Variants in CCDC88A observed in about 807,000 individuals in gnomAD.
CCDC88A encodes girdin.
A neutral mutation model predicts 234.3 loss-of-function variants in CCDC88A; 54 were observed. The ratio of observed to expected loss-of-function variants is 0.23; its 90% CI spans 0.19 to 0.29. The LOEUF (loss-of-function observed/expected upper bound fraction) is 0.29. Among genes scored for constraint, CCDC88A ranks in the 10% least tolerant of loss-of-function variants. The pLI is 1.00. For missense variants in CCDC88A, 1,832 were observed against 2,123.4 expected (o/e 0.86, Z 2.70); for synonymous variants, 753 against 737.8 (o/e 1.02, Z -0.33).
chr2:55,347,008 C>T (rs536697885), intron 9 of CCDC88A, among the ~76,000 whole-genome samples: 177 of 152,066 alleles, frequency 1.2e-3, no homozygotes, highest in Non-Finnish European at 2.0e-3. Flanking sequence ...CAACCATTTG[C>T]AATTAATTTA....
intron 2 of CCDC88A, among the ~76,000 whole-genome samples, chr2:55,415,682 G>C (rs1448341996): frequency 1.3e-5 from 2 of 152,160 alleles, no homozygotes; most frequent in African/African-American, 4.8e-5. Flanking sequence ...TATCCCTCAA[G>C]TCTGAGTACT....
At chr2:55,322,468 T>A (rs917303104) in intron 18 of CCDC88A, 60 bp downstream of exon 18, 1 of 934,256 alleles carries the variant, frequency 1.1e-6, no homozygotes, top group East Asian at 2.7e-5. Flanking sequence ...AAGATAAATA[T>A]ATCCAGTGAT....
chr2:55,393,298 T>TTC (rs1407874543), intron 2 of CCDC88A, among the ~76,000 whole-genome samples: 2 of 129,586 alleles, frequency 1.5e-5, no homozygotes, highest in Non-Finnish European at 3.3e-5. Flanking sequence ...GGTTTTTTTT[T>TTC]TTTTTTTTTT....
chr2:55,373,110 T>G (rs1231025011), intron 4 of CCDC88A, among the ~76,000 whole-genome samples: 1 of 152,182 alleles, frequency 6.6e-6, no homozygotes, highest in African/African-American at 2.4e-5. Flanking sequence ...TCCAACAGCA[T>G]TCAACTAAGA....
rs1469416591 is a variant in CCDC88A, at chr2:55,335,282, C to T, written c.1657-118G>A. 5.2e-6 allele frequency: 3 copies of T among 572,800 alleles called. No individual in the cohort carries two copies. The highest frequency in any genetic ancestry group is 8.6e-6 in the Non-Finnish European group (3 of 350,506). 35.5% of individuals were successfully genotyped at this position (572,800 alleles called of 1,614,324 possible). A position where few individuals can be genotyped will look rare whatever the true frequency, so the allele number is the denominator to read the frequency against. On this transcript the variant is annotated intron_variant, in intron 14 of 32. Transcript: ENST00000436346. This position sits in a 1 kb window ranked among gnomAD's most constrained non-coding sequence, Gnocchi z 4.5. ...AAAAAGGGTGCTAGAACATGTCTTACTTTTAATTCTGACAAGTATTTACTG... is the reference window on the plus strand; with the variant it reads ...AAAAAGGGTGCTAGAACATGTCTTATTTTTAATTCTGACAAGTATTTACTG...
intron 27 of CCDC88A, 68 bp from the exon 28 acceptor site, chr2:55,301,345 A>C: frequency 1.0e-5 from 8 of 798,222 alleles, no homozygotes; most frequent in Non-Finnish European, 1.6e-5. Flanking sequence ...AATTTTATTT[A>C]CATAGAATAT....
chr2:55,329,525 T>C (rs1041811508), intron 16 of CCDC88A: 4 of 152,190 alleles, frequency 2.6e-5, no homozygotes, highest in South Asian at 2.1e-4. Flanking sequence ...TTTGGGTATG[T>C]TGAATTGGTG....
At position 55,336,673 on chromosome 2, in the gene CCDC88A, G is replaced by T; in HGVS notation, c.1656+8C>A. 1 of 1,526,046 alleles carries T rather than the reference G, an allele frequency of 6.6e-7. No individual in the cohort carries two copies. Among genetic ancestry groups the T allele is most frequent in the Non-Finnish European group, 8.8e-7 (1 of 1,135,936 alleles). The allele number at this position is 1,526,046 out of a possible 1,614,324, so 94.5% of individuals were successfully genotyped here. ...ATACATTGTTTACTTAGTAAAAAAT[G>T]TATGAACCTGTCTCTCTGAATTTTC... On this transcript the variant is annotated splice_region_variant and intron_variant, in intron 14 of 32. Coordinates refer to ENST00000436346, the MANE Select transcript of CCDC88A (RefSeq NM_001365480.1).
At chr2:55,414,681 C>A (rs1681049564) in intron 2 of CCDC88A, among the ~76,000 whole-genome samples, 1 of 151,782 alleles carries the variant, frequency 6.6e-6, no homozygotes, top group Non-Finnish European at 1.5e-5. Context: ...TCTTCACTTT[C>A]AGAGTCTGGG....
chr2:55,321,814 CT>C (rs1683668313), intron 18 of CCDC88A, among the ~76,000 whole-genome samples: 1 of 151,456 alleles, frequency 6.6e-6, no homozygotes, highest in African/African-American at 2.4e-5. Flanking sequence ...GGAAGATAAA[CT>C]GTTTATAGTG....
At chr2:55,331,819 GCTTTT>G (rs1558682512) in intron 16 of CCDC88A, 1 of 151,952 alleles carries the variant, frequency 6.6e-6, no homozygotes, top group African/African-American at 2.4e-5. Context: ...TACCTCAGTT[GCTTTT>G]CTTTTCCTTT....
At chr2:55,296,820 A>G (rs1680084744) in intron 29 of CCDC88A, 1 of 267,988 alleles carries the variant, frequency 3.7e-6, no homozygotes, top group African/African-American at 2.2e-5. Flanking sequence ...CATTCAATAT[A>G]TTTTTTGAGT....
intron 32 of CCDC88A, chr2:55,291,442 ATTAAAT>A (rs1679440717): frequency 3.4e-6 from 1 of 290,918 alleles, no homozygotes; most frequent in South Asian, 1.5e-4. Context: ...CACTAGTAAA[ATTAAAT>A]TTAAAGTGAC....
At chr2:55,364,453 C>A (rs1371562702) in intron 5 of CCDC88A, among the ~76,000 whole-genome samples, 3 of 152,144 alleles carry the variant, frequency 2.0e-5, no homozygotes, top group Admixed American at 6.5e-5. Flanking sequence ...TATTACCAAA[C>A]AACACAGCCT....
chr2:55,329,406 T>C (rs918502701), intron 16 of CCDC88A: 31 of 152,318 alleles, frequency 2.0e-4, no homozygotes, highest in African/African-American at 7.5e-4. Context: ...TATGTAAATA[T>C]TTTCTTCTCA....
chr2:55,313,679 A>AATACAAATCTT (rs1682613560), intron 22 of CCDC88A: 2 of 152,156 alleles, frequency 1.3e-5, no homozygotes, highest in African/African-American at 4.8e-5. Flanking sequence ...AGAGATCTGT[A>AATACAAATCTT]TTAAAAAAGC....
intron 2 of CCDC88A, among the ~76,000 whole-genome samples, chr2:55,415,061 G>GT (rs1681129203): frequency 1.1e-5 from 1 of 92,256 alleles, no homozygotes; most frequent in Non-Finnish European, 2.4e-5. Flanking sequence ...GCGAGACTCT[G>GT]TTTCAAAAAA....
At chr2:55,409,648 G>A (rs1328908615) in intron 2 of CCDC88A, among the ~76,000 whole-genome samples, 1 of 151,626 alleles carries the variant, frequency 6.6e-6, no homozygotes. Flanking sequence ...AGAGAGCTCT[G>A]CCCTGAGTCC....
Position 55,334,922 on chromosome 2 carries a change from T to C in CCDC88A, c.1899A>G (p.Glu633=), listed in dbSNP as rs938220251. The C allele has an allele frequency of 1.3e-6, 2 of 1,527,282 alleles. No homozygotes were observed. Among genetic ancestry groups the C allele is most frequent in the Non-Finnish European group, 1.8e-6 (2 of 1,126,024 alleles). The allele number at this position is 1,527,282 out of a possible 1,614,324, so 94.6% of individuals were successfully genotyped here. Reference sequence around the variant, plus strand: ...CATTTTCTTTTTCAAGATGATGCAATTCATTTTCAAGTTCTTCAGCTCGTT... The same window carrying C: ...CATTTTCTTTTTCAAGATGATGCAACTCATTTTCAAGTTCTTCAGCTCGTT... ...KGERAEELEN[E]LHHLEKENEL... Residue 633 remains glutamate (E), a synonymous_variant, in exon 15 of 33, where the codon GAA becomes GAG. Coordinates refer to ENST00000436346, the MANE Select transcript of CCDC88A (RefSeq NM_001365480.1). The surrounding 1 kb of genome is among the most constrained non-coding windows in gnomAD (Gnocchi z 6.1).
Sources: gnomAD v4.1 joint callset for allele counts (sites outside exome capture counted in the v4.1 genomes callset) on GRCh38, gnomAD v4.1.1 for gene constraint, Gnocchi (gnomAD v3.1) non-coding constraint, MANE v1.5 for transcripts, NCBI Gene and HGNC (gene_info 2026-07-23, HGNC 2026-07-21) for gene names.